Variants in CATSPERT observed in about 807,000 individuals in gnomAD.
CATSPERT encodes cation channel sperm-associated targeting subunit tau.
At chr2:201,540,781 T>G in the CATSPERT span, among the ~76,000 whole-genome samples, 4 of 152,244 alleles carry the variant, frequency 2.6e-5, no homozygotes, top group Non-Finnish European at 5.9e-5. Flanking sequence ...ATTTCAACTT[T>G]CAAGTCCTCT....
chr2:201,492,080 G>C, the CATSPERT span: 1 of 1,527,926 alleles, frequency 6.5e-7, no homozygotes, highest in Non-Finnish European at 8.7e-7. Flanking sequence ...TTTAAATTCT[G>C]TAAGGGAAAA....
chr2:201,572,011 G>C, the CATSPERT span: 16 of 1,611,960 alleles, frequency 9.9e-6, no homozygotes, highest in Non-Finnish European at 1.4e-5. Flanking sequence ...ATTTTCTGAA[G>C]AGGTTTTAAC....
chr2:201,487,991 A>G, the CATSPERT span: 36 of 1,013,056 alleles, frequency 3.6e-5, no homozygotes, highest in Non-Finnish European at 4.7e-5. Flanking sequence ...ATGGATGGTC[A>G]AAAGAAAAAA....
At chr2:201,618,663 C>A in the CATSPERT span, among the ~76,000 whole-genome samples, 1 of 150,040 alleles carries the variant, frequency 6.7e-6, no homozygotes, top group Non-Finnish European at 1.5e-5. Context: ...ACCTATGTAA[C>A]AAACCTGCAC....
the CATSPERT span, among the ~76,000 whole-genome samples, chr2:201,507,821 G>A: frequency 1.3e-5 from 2 of 152,130 alleles, no homozygotes; most frequent in Non-Finnish European, 2.9e-5. Flanking sequence ...GAATCATGGT[G>A]GGAGGTGAAG....
At chr2:201,541,536 TATA>T in the CATSPERT span, among the ~76,000 whole-genome samples, 2 of 16,168 alleles carry the variant, frequency 1.2e-4, no homozygotes, top group African/African-American at 3.2e-4. Flanking sequence ...TGATTTTATA[TATA>T]TATATATATA....
chr2:201,611,615 C>A, the CATSPERT span, among the ~76,000 whole-genome samples: 1 of 149,850 alleles, frequency 6.7e-6, no homozygotes, highest in African/African-American at 2.5e-5. Context: ...AAGATTGGAG[C>A]AGAAATAAAA....
the CATSPERT span, among the ~76,000 whole-genome samples, chr2:201,537,997 C>T: frequency 3.3e-5 from 5 of 151,942 alleles, no homozygotes; most frequent in African/African-American, 4.8e-5. Flanking sequence ...TACATGACTT[C>T]GTTCAGCTCT....
the CATSPERT span, among the ~76,000 whole-genome samples, chr2:201,563,138 C>CA: frequency 1.9e-5 from 1 of 53,012 alleles, no homozygotes; most frequent in African/African-American, 5.8e-5. Flanking sequence ...GCTGGCCGGG[C>CA]GGGGGGCTGA....
the CATSPERT span, among the ~76,000 whole-genome samples, chr2:201,581,509 T>A: frequency 1.1e-5 from 1 of 92,888 alleles, no homozygotes. Context: ...TATATATATA[T>A]ATATATATAT....
At chr2:201,610,035 T>C in the CATSPERT span, among the ~76,000 whole-genome samples, 1 of 152,046 alleles carries the variant, frequency 6.6e-6, no homozygotes, top group Admixed American at 6.5e-5. Flanking sequence ...AACTATACAC[T>C]AACAAATTGG....
the CATSPERT span, among the ~76,000 whole-genome samples, chr2:201,596,576 A>G: frequency 1.5e-4 from 22 of 151,658 alleles, no homozygotes; most frequent in African/African-American, 5.3e-4. Flanking sequence ...CTTAAAAGTT[A>G]AAAAAAAATA....
At chr2:201,497,059 C>CT in the CATSPERT span, among the ~76,000 whole-genome samples, 1 of 152,152 alleles carries the variant, frequency 6.6e-6, no homozygotes, top group Non-Finnish European at 1.5e-5. Flanking sequence ...ACATTATCTC[C>CT]TTTAGTCTGT....
At chr2:201,606,243 G>C in the CATSPERT span, among the ~76,000 whole-genome samples, 3 of 152,302 alleles carry the variant, frequency 2.0e-5, no homozygotes, top group African/African-American at 7.2e-5. Context: ...ACTCCAAGAT[G>C]TGTCCTAGTA....
At chr2:201,515,198 CAT>C in the CATSPERT span, among the ~76,000 whole-genome samples, 1 of 30,574 alleles carries the variant, frequency 3.3e-5, no homozygotes, top group Non-Finnish European at 5.2e-5. Context: ...TGAATCTGCC[CAT>C]AGTTTTTTTT....
the CATSPERT span, among the ~76,000 whole-genome samples, chr2:201,558,612 C>T: frequency 2.0e-5 from 3 of 152,218 alleles, no homozygotes; most frequent in Non-Finnish European, 4.4e-5. Flanking sequence ...CAAATATCAA[C>T]AATCCTTTCT....
the CATSPERT span, among the ~76,000 whole-genome samples, chr2:201,607,235 T>G: frequency 6.6e-6 from 1 of 152,222 alleles, no homozygotes; most frequent in Non-Finnish European, 1.5e-5. Flanking sequence ...ATTTTGCTTC[T>G]GCCCTCTCTG....
chr2:201,560,285 T>G, the CATSPERT span, among the ~76,000 whole-genome samples: 3 of 151,668 alleles, frequency 2.0e-5, no homozygotes, highest in African/African-American at 7.3e-5. Flanking sequence ...AAAATTAGGC[T>G]TGGTGGCTCA....
chr2:201,589,226 G>A, the CATSPERT span, among the ~76,000 whole-genome samples: 36 of 152,200 alleles, frequency 2.4e-4, no homozygotes, highest in African/African-American at 8.4e-4. Context: ...AACCCCCATT[G>A]AGATTCTTCA....
Sources: allele counts gnomAD v4.1 joint callset (sites outside exome capture counted in the v4.1 genomes callset), GRCh38; gene constraint gnomAD v4.1.1; transcripts MANE v1.5; gene names NCBI Gene and HGNC (gene_info 2026-07-23, HGNC 2026-07-21).